Variants in GFPT2 observed in about 807,000 individuals in gnomAD.
The protein encoded by GFPT2 is glutamine--fructose-6-phosphate transaminase 2, also known as glutamine--fructose-6-phosphate aminotransferase [isomerizing] 2.
In GFPT2, 62 loss-of-function variants were observed where a neutral mutation model predicts 85.6. The ratio of observed to expected loss-of-function variants is 0.72; its 90% CI spans 0.59 to 0.90. The LOEUF is 0.90. Among genes scored for constraint, GFPT2 ranks in the 40% least tolerant of loss-of-function variants. The probability of loss-of-function intolerance (pLI) is 0.00; values close to 1 mark genes in which losing one functional copy is unlikely to be tolerated. For synonymous variants in GFPT2, 368 were observed against 344.5 expected (o/e 1.07, Z -0.75); for missense variants, 788 against 893.4 (o/e 0.88, Z 1.50).
intron 9 of GFPT2, among the ~76,000 whole-genome samples, chr5:180,321,929 C>G (rs919764109): frequency 1.1e-4 from 16 of 152,010 alleles, no homozygotes; most frequent in African/African-American, 1.7e-4. Context: ...GACTACAGGC[C>G]TCCGCCACCA....
intron 7 of GFPT2, among the ~76,000 whole-genome samples, chr5:180,327,213 C>T (rs569696019): frequency 1.3e-5 from 2 of 152,274 alleles, no homozygotes; most frequent in East Asian, 1.9e-4. Flanking sequence ...GGCACTGAGG[C>T]CATTTAGAGC....
intron 2 of GFPT2, 80 bp downstream of exon 2, chr5:180,338,413 A>AC (rs34335690): frequency 1.7e-5 from 10 of 582,406 alleles, no homozygotes; most frequent in Non-Finnish European, 2.1e-5. Flanking sequence ...CTGGTTGTAA[A>AC]CCCCCCTGCA....
intron 16 of GFPT2, 68 bp downstream of exon 16, chr5:180,307,103 TCCTTC>T: frequency 7.7e-7 from 1 of 1,305,646 alleles, no homozygotes; most frequent in Non-Finnish European, 1.1e-6. Context: ...CGCCCTGCCC[TCCTTC>T]CCGCTGGCTC....
chr5:180,352,385 A>G (rs1302876919), intron 1 of GFPT2: 1 of 451,136 alleles, frequency 2.2e-6, no homozygotes, highest in Non-Finnish European at 4.4e-6. Flanking sequence ...TTGTCCCAGC[A>G]GAAGTTCCCG....
chr5:180,328,260 A>G lies in GFPT2; in HGVS notation c.596+17T>C, dbSNP rs1330498410. ...TTCGTTCTTTCTTATGGGAAATGCC[A>G]GTGTGTTTTGCCTCACCGTGTGGCA... On this transcript the variant is annotated intron_variant, in intron 7 of 18. Coordinates refer to ENST00000253778, the MANE Select transcript of GFPT2 (RefSeq NM_005110.4). This position sits in a 1 kb window ranked among gnomAD's most constrained non-coding sequence, Gnocchi z 5.4. The G allele has an allele frequency of 6.3e-7, 1 of 1,583,650 alleles. No individual in the cohort carries two copies. The highest frequency in any genetic ancestry group is 8.7e-7 in the Non-Finnish European group (1 of 1,152,098).
At chr5:180,312,893 C>T (rs962606758) in intron 14 of GFPT2, among the ~76,000 whole-genome samples, 2 of 152,234 alleles carry the variant, frequency 1.3e-5, no homozygotes, top group Admixed American at 1.3e-4. Context: ...TCTCCTGCCT[C>T]AGCCTCCCGA....
chr5:180,335,708 A>T, intron 4 of GFPT2, 120 bp downstream of exon 4: 1 of 1,052,066 alleles, frequency 9.5e-7, no homozygotes, highest in Non-Finnish European at 1.4e-6. Context: ...TTCTCTTGGG[A>T]AGATGAAGTA....
intron 13 of GFPT2, among the ~76,000 whole-genome samples, chr5:180,315,204 G>A (rs112159080): frequency 0.023 from 3,462 of 150,860 alleles, 111 homozygotes; most frequent in East Asian, 0.14. Context: ...TTGAGACGGA[G>A]TCTCGCTCTG....
intron 15 of GFPT2, among the ~76,000 whole-genome samples, chr5:180,310,999 G>C (rs1484427827): frequency 1.3e-5 from 2 of 152,206 alleles, no homozygotes; most frequent in African/African-American, 4.8e-5. Context: ...GCATGGTTAT[G>C]ACCTGGCTTA....
intron 1 of GFPT2, among the ~76,000 whole-genome samples, chr5:180,341,532 A>G (rs568156304): frequency 6.6e-6 from 1 of 152,380 alleles, no homozygotes; most frequent in South Asian, 2.1e-4. Flanking sequence ...ATAGTACTAT[A>G]AATTATACTT....
chr5:180,343,553 G>A (rs759977510), intron 1 of GFPT2, among the ~76,000 whole-genome samples: 6 of 152,194 alleles, frequency 3.9e-5, no homozygotes, highest in Non-Finnish European at 7.3e-5. Flanking sequence ...ACATCCCTTC[G>A]GTCACTTCTT....
At chr5:180,336,223 T>G in intron 3 of GFPT2, 2 of 579,022 alleles carry the variant, frequency 3.5e-6, no homozygotes, top group South Asian at 4.4e-5. Context: ...AGAAGCAGTA[T>G]CATTTGCTGG....
chr5:180,331,608 T>C (rs115152588), intron 4 of GFPT2, 55 bp from the exon 5 acceptor site: 1 of 997,792 alleles, frequency 1.0e-6, no homozygotes, highest in Admixed American at 1.7e-5. Flanking sequence ...ATGTCAGATG[T>C]GAAGAGAGAT....
At position 180,330,711 on chromosome 5, in the gene GFPT2, T is replaced by A. The variant is rs1363858462; in HGVS notation, c.523A>T (p.Ile175Phe). ...GATTTGTAACTCACCAACTGCTGAA[T>A]GACTCTCTCGACCAACGTTGAAAAC... The part of the protein sequence containing the change: ...ITFSTLVERV[I>F]QQLEGAFALV... The change falls in exon 6 of 19, where the codon ATT becomes TTT. Residue 175 changes from isoleucine to phenylalanine, a missense_variant. Coordinates refer to ENST00000253778, the MANE Select transcript of GFPT2 (RefSeq NM_005110.4). This position sits in a 1 kb window ranked among gnomAD's most constrained non-coding sequence, Gnocchi z 4.4. The A allele has an allele frequency of 6.2e-7, 1 of 1,612,986 alleles. No homozygotes were observed. The highest frequency in any genetic ancestry group is 8.5e-7 in the Non-Finnish European group (1 of 1,178,926).
chr5:180,348,643 G>A (rs992836858), intron 1 of GFPT2, among the ~76,000 whole-genome samples: 2 of 152,134 alleles, frequency 1.3e-5, no homozygotes, highest in Non-Finnish European at 1.5e-5. Flanking sequence ...GCCTCTTTGG[G>A]ACCCCAGGAG....
chr5:180,317,970 T>G (rs115474612), intron 10 of GFPT2, among the ~76,000 whole-genome samples: 3,605 of 151,480 alleles, frequency 0.024, 155 homozygotes, highest in African/African-American at 0.083. Flanking sequence ...CCGGCCTGTC[T>G]CCCATGACCT....
chr5:180,346,475 A>C (rs2127658152), intron 1 of GFPT2, among the ~76,000 whole-genome samples: 1 of 151,934 alleles, frequency 6.6e-6, no homozygotes, highest in African/African-American at 2.4e-5. Context: ...CCCCCACCCC[A>C]CCAGGGCCTC....
chr5:180,317,947 A>G (rs559300235), intron 10 of GFPT2, among the ~76,000 whole-genome samples: 1 of 151,914 alleles, frequency 6.6e-6, no homozygotes, highest in Non-Finnish European at 1.5e-5. Context: ...TGACACCAAC[A>G]TCGCCCATGC....
At position 180,335,968 on chromosome 5, in the gene GFPT2, A is replaced by T. The variant is rs1029643815; in HGVS notation, c.215-15T>A. The T allele has an allele frequency of 1.3e-6, 2 of 1,555,902 alleles. No individual in the cohort carries two copies. The highest frequency in any genetic ancestry group is 8.6e-7 in the Non-Finnish European group (1 of 1,156,216). On this transcript the variant is annotated splice_polypyrimidine_tract_variant and intron_variant, in intron 3 of 18. Coordinates refer to ENST00000253778, the MANE Select transcript of GFPT2 (RefSeq NM_005110.4). ...GCTGTCTTGTTCTAAATGAAAGGAA[A>T]ATCAGTTTGCCGCACTTGAACAACA... is the stretch of plus-strand genomic sequence containing the variant.
Sources: gnomAD v4.1 joint callset for allele counts (sites outside exome capture counted in the v4.1 genomes callset) on GRCh38, gnomAD v4.1.1 for gene constraint, Gnocchi (gnomAD v3.1) non-coding constraint, MANE v1.5 for transcripts, NCBI Gene and HGNC (gene_info 2026-07-23, HGNC 2026-07-21) for gene names.